The following ZNF276 variants were observed in gnomAD, a reference collection of about 807,000 sequenced individuals.
The protein encoded by ZNF276 is zinc finger protein 276.
Under a neutral mutation model 63.9 loss-of-function variants are expected in ZNF276, and 59 were observed. The observed-to-expected ratio is 0.92, with a 90% CI of 0.75 to 1.15. The LOEUF (loss-of-function observed/expected upper bound fraction) is 1.15. Ranked by LOEUF, ZNF276 falls within the 50% of genes most tolerant of loss-of-function variation. The probability of loss-of-function intolerance (pLI) is 0.00; values close to 1 mark genes in which losing one functional copy is unlikely to be tolerated. For missense variants in ZNF276, 1,084 were observed against 843.8 expected (o/e 1.28, Z -3.53); for synonymous variants, 496 against 348.4 (o/e 1.42, Z -4.72).
In ZNF276 at chr16:89,739,597, CCTATTATCAGTG is replaced by C; in HGVS notation, c.*1354_*1365del. 1.9e-6 allele frequency: 3 copies of C among 1,544,118 alleles called. No individual in the cohort carries two copies. The stretch of plus-strand genomic sequence containing the variant: ...GCTCAGGCAACTCTGGACATCTCTG[CCTATTATCAGTG>C]CTGGGGACACCCCTGGGGGTCGGGA... On this transcript the variant is annotated 3_prime_UTR_variant, in exon 11 of 11. Transcript: ENST00000443381.
chr16:89,723,485 G>T lies in ZNF276; in HGVS notation c.782G>T (p.Trp261Leu). 1 of 1,613,004 alleles carries T rather than the reference G, an allele frequency of 6.2e-7. No homozygotes were observed. Among genetic ancestry groups the T allele is most frequent in the Non-Finnish European group, 8.5e-7 (1 of 1,180,034 alleles). ...FLLDSALAVK[W>L]PWDKETAPRL... Reference sequence around the variant, plus strand: ...CTGGACAGTGCGCTGGCAGTCAAGTGGCCATGGGACAAAGAGACGGCGCCA... The same window carrying T: ...CTGGACAGTGCGCTGGCAGTCAAGTTGCCATGGGACAAAGAGACGGCGCCA... Residue 261 changes from tryptophan (W) to leucine (L), a missense_variant, in exon 4 of 11, where the codon TGG (tryptophan) becomes TTG (leucine). Transcript: ENST00000443381.
intron 5 of ZNF276, among the ~76,000 whole-genome samples, chr16:89,728,962 C>T (rs1227640016): frequency 6.6e-6 from 1 of 152,250 alleles, no homozygotes; most frequent in Non-Finnish European, 1.5e-5. Context: ...CGCCTCCACC[C>T]CTTCTGGGCC....
chr16:89,733,209 T>C, intron 6 of ZNF276, 93 bp from the exon 7 acceptor site: 2 of 1,221,834 alleles, frequency 1.6e-6, no homozygotes, highest in Non-Finnish European at 2.4e-6. Flanking sequence ...TCAGGGAAGC[T>C]TCAGAAAAGA....
chr16:89,731,849 T>C (rs1246771594), intron 6 of ZNF276: 3 of 152,244 alleles, frequency 2.0e-5, no homozygotes, highest in Admixed American at 2.0e-4. Context: ...TTAGGGTTTT[T>C]TGTATGTGGA....
intron 9 of ZNF276, among the ~76,000 whole-genome samples, chr16:89,736,490 A>C (rs986631934): frequency 1.3e-5 from 2 of 151,688 alleles, no homozygotes; most frequent in African/African-American, 2.4e-5. Context: ...ACACCTGGCT[A>C]ATTTTTGTAT....
chr16:89,721,705 A>ACGGCGG lies in ZNF276; in HGVS notation c.74_79dup (p.Gly25_Gly26dup). 7.3e-7 allele frequency: 1 copy of ACGGCGG among 1,376,612 alleles called. No individual in the cohort carries two copies. Among genetic ancestry groups the ACGGCGG allele is most frequent in the East Asian group, 3.1e-5 (1 of 32,146 alleles). 85.3% of individuals were successfully genotyped at this position (1,376,612 alleles called of 1,614,324 possible). A position where few individuals can be genotyped will look rare whatever the true frequency, so the allele number is the denominator to read the frequency against. ...TCGTCCCGACAGTGCGGGGCCTCGGACGGCGGCGGCGGCGTCAGCCGGACT... is the reference window on the plus strand; with the variant it reads ...TCGTCCCGACAGTGCGGGGCCTCGGACGGCGGCGGCGGCGGCGGCGTCAGCCGGACT... On this transcript the variant is annotated inframe_insertion, in exon 1 of 11. Coordinates refer to ENST00000443381, the MANE Select transcript of ZNF276 (RefSeq NM_001113525.2).
rs550139801 is a variant in ZNF276, at chr16:89,739,630, C to T, written c.*1384C>T. 227 of 1,519,718 alleles carry T rather than the reference C, an allele frequency of 1.5e-4. 1 individual carries two copies. In the South Asian group the frequency reaches 2.3e-3, roughly 15 times the overall value. 94.1% of individuals were successfully genotyped at this position (1,519,718 alleles called of 1,614,324 possible). A position where few individuals can be genotyped will look rare whatever the true frequency, so the allele number is the denominator to read the frequency against. On this transcript the variant is annotated 3_prime_UTR_variant, in exon 11 of 11. Coordinates refer to ENST00000443381, the MANE Select transcript of ZNF276 (RefSeq NM_001113525.2). ...CAGTGCTGGGGACACCCCTGGGGGT[C>T]GGGACGTGTACCCTGGGAGGCCTGG... is the stretch of plus-strand genomic sequence containing the variant.
chr16:89,720,524 T>A (rs891354763), upstream of ZNF276: 1 of 1,156,662 alleles, frequency 8.6e-7, no homozygotes, highest in Non-Finnish European at 1.1e-6. Context: ...CAGGCTGTGA[T>A]GCACCGGCTC....
rs750834243 is a variant in ZNF276 at position 89,738,066 on chromosome 16, C to G, written c.1665C>G (p.Ala555=). The part of the protein sequence containing the change: ...KHKAETELDF[A]CDQCGRRFEK... ...AGGCTGAGACTGAGCTGGACTTTGC[C>G]TGTGACCAGTGTGGCCGGCGGTTTG... Residue 555 remains alanine (A), a synonymous_variant, in exon 11 of 11, where the codon GCC becomes GCG. Coordinates refer to ENST00000443381, the MANE Select transcript of ZNF276 (RefSeq NM_001113525.2). The G allele has an allele frequency of 2.4e-5, 38 of 1,614,030 alleles. No homozygotes were observed. In the African/African-American group the frequency reaches 2.8e-4, roughly 12 times the overall value.
At chr16:89,737,669 C>T in intron 9 of ZNF276, 137 bp from the exon 10 acceptor site, 2 of 1,509,312 alleles carry the variant, frequency 1.3e-6, no homozygotes, top group Non-Finnish European at 8.9e-7. Flanking sequence ...CCTCATAGGC[C>T]CCTTGCTTGG....
At chr16:89,726,524 G>A (rs2092367209) in intron 4 of ZNF276, among the ~76,000 whole-genome samples, 1 of 152,118 alleles carries the variant, frequency 6.6e-6, no homozygotes, top group African/African-American at 2.4e-5. Context: ...GTAGAGACGG[G>A]GTTTAACCAT....
Position 89,740,712 on chromosome 16 carries a change from G to C in ZNF276, c.*2466G>C. On this transcript the variant is annotated 3_prime_UTR_variant, in exon 11 of 11. Coordinates refer to ENST00000443381, the MANE Select transcript of ZNF276 (RefSeq NM_001113525.2). ...GCAAACACAAGGAGCTCCTGAGCTA[G>C]TCTGGAAACCCTGACTTGGAAGCTG... 1 of 1,043,220 alleles carries C rather than the reference G, an allele frequency of 9.6e-7. No individual in the cohort carries two copies. Among genetic ancestry groups the C allele is most frequent in the East Asian group, 2.5e-5 (1 of 39,974 alleles). 64.6% of individuals were successfully genotyped at this position (1,043,220 alleles called of 1,614,324 possible).
chr16:89,738,268 C>G lies in ZNF276; in HGVS notation c.*22C>G. 6.4e-7 allele frequency: 1 copy of G among 1,572,124 alleles called. No homozygotes were observed. The highest frequency in any genetic ancestry group is 8.6e-7 in the Non-Finnish European group (1 of 1,160,326). On this transcript the variant is annotated 3_prime_UTR_variant, in exon 11 of 11. Coordinates refer to ENST00000443381, the MANE Select transcript of ZNF276 (RefSeq NM_001113525.2). ...CTGAGGACGGCAGTGAGGATGAGCA[C>G]CTCTAGCAGCCTGGACTCCGCAGTG...
At chr16:89,729,126 T>A in intron 5 of ZNF276, 109 bp from the exon 6 acceptor site, 1 of 877,254 alleles carries the variant, frequency 1.1e-6, no homozygotes, top group Non-Finnish European at 1.8e-6. Flanking sequence ...TCAGAAGAAC[T>A]CAAATGTGGG....
intron 9 of ZNF276, 50 bp from the exon 10 acceptor site, chr16:89,737,755 CG>C: frequency 6.2e-7 from 1 of 1,610,532 alleles, no homozygotes; most frequent in Non-Finnish European, 8.5e-7. Context: ...GTCGTCCCCC[CG>C]GGAGGTTGGA....
chr16:89,739,587 G>T lies in ZNF276; in HGVS notation c.*1341G>T. ...CCAAGAAGTGGCTCAGGCAACTCTG[G>T]ACATCTCTGCCTATTATCAGTGCTG... On this transcript the variant is annotated 3_prime_UTR_variant, in exon 11 of 11. Coordinates refer to ENST00000443381, the MANE Select transcript of ZNF276 (RefSeq NM_001113525.2). 2 of 1,547,766 alleles carry T rather than the reference G, an allele frequency of 1.3e-6. No homozygotes were observed. The highest frequency in any genetic ancestry group is 1.4e-5 in the African/African-American group (1 of 73,076).
At chr16:89,723,950 T>G (rs2061389651) in intron 4 of ZNF276, among the ~76,000 whole-genome samples, 1 of 152,230 alleles carries the variant, frequency 6.6e-6, no homozygotes, top group South Asian at 2.1e-4. Context: ...GCAGTTTCTG[T>G]GGAGACACGC....
rs984178125 is a variant in ZNF276, at chr16:89,739,052, C to G, written c.*806C>G. 2.5e-6 allele frequency: 4 copies of G among 1,613,986 alleles called. No homozygotes were observed. The highest frequency in any genetic ancestry group is 8.5e-7 in the Non-Finnish European group (1 of 1,179,874). On this transcript the variant is annotated 3_prime_UTR_variant, in exon 11 of 11. Coordinates refer to ENST00000443381, the MANE Select transcript of ZNF276 (RefSeq NM_001113525.2). Reference sequence around the variant, plus strand: ...TGGTGTGTCCCCCATAGTCTGCATGCTGTGCCGGAACATTCTTTGGCAGAA... The same window carrying G: ...TGGTGTGTCCCCCATAGTCTGCATGGTGTGCCGGAACATTCTTTGGCAGAA...
intron 6 of ZNF276, among the ~76,000 whole-genome samples, chr16:89,731,020 G>C (rs1441994264): frequency 1.3e-5 from 2 of 152,238 alleles, no homozygotes; most frequent in Non-Finnish European, 2.9e-5. Context: ...GGTCCGCAAA[G>C]ATTCCCGTCC....
Sources: allele counts gnomAD v4.1 joint callset (sites outside exome capture counted in the v4.1 genomes callset), GRCh38; gene constraint gnomAD v4.1.1; transcripts MANE v1.5; gene names NCBI Gene and HGNC (gene_info 2026-07-23, HGNC 2026-07-21).